RYR3: variants seen among roughly 807,000 people sequenced by gnomAD.
The protein encoded by RYR3 is ryanodine receptor 3, also known as brain ryanodine receptor-calcium release channel.
In RYR3, 207 loss-of-function variants were observed where a neutral mutation model predicts 584.3. That is an observed-to-expected ratio of 0.35 (90% CI 0.32 to 0.40). The LOEUF (loss-of-function observed/expected upper bound fraction) is 0.40, where lower values mean the gene tolerates loss of function less well. Ranked by LOEUF, RYR3 falls within the 10% of genes least tolerant of loss-of-function variation. The probability of loss-of-function intolerance (pLI) is 1.00; values close to 1 mark genes in which losing one functional copy is unlikely to be tolerated. For missense variants in RYR3, 5,616 were observed against 6,089.2 expected, an observed-to-expected ratio of 0.92 and a Z score of 2.59; for synonymous variants, 2,416 against 2,248.5, an observed-to-expected ratio of 1.07 and a Z score of -2.11.
chr15:33,579,117 G>C (rs1278885703), intron 12 of RYR3, among the ~76,000 whole-genome samples: 1 of 152,108 alleles, frequency 6.6e-6, no homozygotes, highest in African/African-American at 2.4e-5. Context: ...TGGGGTTGGG[G>C]AACACCAAGA....
intron 1 of RYR3, among the ~76,000 whole-genome samples, chr15:33,425,637 A>ATTTT (rs68182512): frequency 0.015 from 1,771 of 121,570 alleles, 61 homozygotes; most frequent in East Asian, 0.048. Context: ...GAGACTCACA[A>ATTTT]TTTTTTTTTT....
chr15:33,623,733 T>G lies in RYR3; in HGVS notation c.2358-74T>G, dbSNP rs1595873421. The G allele has an allele frequency of 6.4e-6, 7 of 1,090,070 alleles. No homozygotes were observed. The South Asian group carries it at 6.9e-5, about 11-fold the overall frequency. The allele number at this position is 1,090,070 out of a possible 1,614,324, so 67.5% of individuals were successfully genotyped here. ...GTTGAGGGTGGGAGGTAGGGATTGA[T>G]CTTTAATTTTCACTTATTTGGGCTG... On this transcript the variant is annotated intron_variant, in intron 19 of 103. Coordinates refer to ENST00000634891, the MANE Select transcript of RYR3 (RefSeq NM_001036.6).
chr15:33,839,388 G>A (rs1175654481), intron 89 of RYR3, among the ~76,000 whole-genome samples: 1 of 152,170 alleles, frequency 6.6e-6, no homozygotes. Context: ...GCCTCTCTAT[G>A]AGTTTGATCA....
At chr15:33,332,512 C>T (rs537396427) in intron 1 of RYR3, among the ~76,000 whole-genome samples, 2 of 152,082 alleles carry the variant, frequency 1.3e-5, no homozygotes, top group East Asian at 3.9e-4. Flanking sequence ...TAAGCACACA[C>T]ACAGAAATTA....
At chr15:33,771,875 A>G (rs1415096776) in intron 62 of RYR3, 45 bp from the exon 63 acceptor site, 3 of 1,467,190 alleles carry the variant, frequency 2.0e-6, no homozygotes, top group African/African-American at 1.4e-5. Context: ...GGATTGGCCA[A>G]AAGTTCAGAT....
chr15:33,735,591 A>T (rs2069383369), intron 48 of RYR3, among the ~76,000 whole-genome samples: 1 of 152,310 alleles, frequency 6.6e-6, no homozygotes, highest in East Asian at 1.9e-4. Context: ...AAGTTTGGCA[A>T]TGTAAAAAAA....
rs151002423 is a variant in RYR3, at chr15:33,832,815, G to T, written c.11463+1724G>T. Among the ~76,000 whole-genome samples the T allele has an allele frequency of 4.6e-5, 7 of 151,972 alleles. No homozygotes were observed. The East Asian group carries it at 1.4e-3, about 29-fold the overall frequency. ...ACCTGAGGTCAGAAGTTCGAGAGCA[G>T]CCTGGCTAACATGGTGAAACCCCAT... On this transcript the variant is annotated intron_variant, in intron 86 of 103. Coordinates refer to ENST00000634891, the MANE Select transcript of RYR3 (RefSeq NM_001036.6).
At chr15:33,459,028 T>G (rs184507324) in intron 1 of RYR3, among the ~76,000 whole-genome samples, 107 of 152,342 alleles carry the variant, frequency 7.0e-4, no homozygotes, top group Non-Finnish European at 1.2e-3. Flanking sequence ...CTGACCTGAG[T>G]CAATGGAGGA....
intron 84 of RYR3, 64 bp from the exon 85 acceptor site, chr15:33,827,135 G>A: frequency 7.6e-7 from 1 of 1,307,244 alleles, no homozygotes. Context: ...GCTCAGCTGA[G>A]AGGGCATGCT....
chr15:33,425,831 A>G lies in RYR3; in HGVS notation c.52-47588A>G, dbSNP rs540561056. Among the ~76,000 whole-genome samples the G allele has an allele frequency of 5.3e-5, 8 of 151,902 alleles. No homozygotes were observed. The South Asian group carries it at 1.7e-3, about 32-fold the overall frequency. On this transcript the variant is annotated intron_variant, in intron 1 of 103. Transcript: ENST00000634891. ...TAATTTTTTTGTATTTTTAGTAGAGACGGGGTTTCACCGTGTTAGCCAGGA... is the reference window on the plus strand; with the variant it reads ...TAATTTTTTTGTATTTTTAGTAGAGGCGGGGTTTCACCGTGTTAGCCAGGA...
intron 65 of RYR3, among the ~76,000 whole-genome samples, 154 bp from the exon 66 acceptor site, chr15:33,785,508 G>C (rs1316340787): frequency 2.6e-5 from 4 of 152,200 alleles, no homozygotes; most frequent in African/African-American, 9.7e-5. Flanking sequence ...TTCACAGACA[G>C]CTGGAGGACA....
chr15:33,441,991 A>G (rs2046267355), intron 1 of RYR3, among the ~76,000 whole-genome samples: 1 of 152,192 alleles, frequency 6.6e-6, no homozygotes, highest in African/African-American at 2.4e-5. Context: ...TATCCATAGG[A>G]ATTTCCGAGT....
At chr15:33,732,153 G>A (rs1361038589) in intron 48 of RYR3, among the ~76,000 whole-genome samples, 1 of 151,884 alleles carries the variant, frequency 6.6e-6, no homozygotes, top group Non-Finnish European at 1.5e-5. Flanking sequence ...AGGCCGAGGT[G>A]GGCAGATCAC....
At chr15:33,789,983 C>CTTTTT (rs1567176157) in intron 67 of RYR3, among the ~76,000 whole-genome samples, 1 of 79,758 alleles carries the variant, frequency 1.3e-5, no homozygotes, top group East Asian at 4.1e-4. Context: ...CACGCCTGGC[C>CTTTTT]TTCTTTTTTT....
chr15:33,641,038 A>G (rs1234479088), intron 27 of RYR3, among the ~76,000 whole-genome samples: 1 of 152,212 alleles, frequency 6.6e-6, no homozygotes, highest in Non-Finnish European at 1.5e-5. Context: ...AGCTGTGTAC[A>G]GGTAGCCCTT....
Position 33,437,326 on chromosome 15 carries a change from T to A in RYR3, c.52-36093T>A, listed in dbSNP as rs1431882291. Among the ~76,000 whole-genome samples the A allele has an allele frequency of 2.0e-5, 3 of 152,216 alleles. No homozygotes were observed. The East Asian group carries it at 5.8e-4, about 29-fold the overall frequency. The stretch of plus-strand genomic sequence containing the variant: ...CTCCTTTTACATTACATCATTGCCA[T>A]CCTTAACATTTTCCTCATGGTTACG... On this transcript the variant is annotated intron_variant, in intron 1 of 103. Transcript: ENST00000634891.
At chr15:33,854,246 T>C (rs981343451) in intron 96 of RYR3, 143 bp from the exon 97 acceptor site, 4 of 654,970 alleles carry the variant, frequency 6.1e-6, no homozygotes, top group Non-Finnish European at 7.9e-6. Flanking sequence ...TCTTGTCTCA[T>C]GGGGAGCACA....
chr15:33,348,547 C>T (rs1269896589), intron 1 of RYR3, among the ~76,000 whole-genome samples: 3 of 152,168 alleles, frequency 2.0e-5, no homozygotes, highest in African/African-American at 7.2e-5. Context: ...ATGATCTTGG[C>T]TCACTGCAAC....
intron 3 of RYR3, among the ~76,000 whole-genome samples, chr15:33,526,141 A>G (rs549064530): frequency 6.6e-6 from 1 of 152,210 alleles, no homozygotes; most frequent in Admixed American, 6.5e-5. Context: ...GTGGCTGGAC[A>G]GAAGCATAGT....
Sources: allele counts gnomAD v4.1 joint callset (sites outside exome capture counted in the v4.1 genomes callset), GRCh38; gene constraint gnomAD v4.1.1; transcripts MANE v1.5; gene names NCBI Gene and HGNC (gene_info 2026-07-23, HGNC 2026-07-21).